ATP6V0D2: variants seen among roughly 807,000 people sequenced by gnomAD.
ATP6V0D2 encodes ATPase H+ transporting V0 subunit d2.
Under a neutral mutation model 40.0 loss-of-function variants are expected in ATP6V0D2, and 40 were observed. The observed-to-expected ratio is 1.00, with a 90% CI of 0.78 to 1.30. ATP6V0D2 has a LOEUF of 1.30. Ranked by LOEUF, ATP6V0D2 falls within the 50% of genes most tolerant of loss-of-function variation. ATP6V0D2 has a pLI of 0.00. For synonymous variants in ATP6V0D2, 179 were observed against 156.3 expected, an observed-to-expected ratio of 1.15 and a Z score of -1.08; for missense variants, 470 against 423.1, an observed-to-expected ratio of 1.11 and a Z score of -0.97.
chr8:86,132,383 A>G (rs759775912), intron 2 of ATP6V0D2, among the ~76,000 whole-genome samples: 1 of 152,094 alleles, frequency 6.6e-6, no homozygotes, highest in Non-Finnish European at 1.5e-5. Context: ...GTTGTTAACT[A>G]TAGTCACTCT....
intron 2 of ATP6V0D2, among the ~76,000 whole-genome samples, chr8:86,129,520 GA>G (rs1166949282): frequency 6.6e-6 from 1 of 151,282 alleles, no homozygotes; most frequent in Non-Finnish European, 1.5e-5. Flanking sequence ...TATAAAAAAG[GA>G]AAAAAATTGG....
intron 2 of ATP6V0D2, among the ~76,000 whole-genome samples, chr8:86,135,551 T>C (rs1818885266): frequency 6.6e-6 from 1 of 152,216 alleles, no homozygotes; most frequent in Non-Finnish European, 1.5e-5. Context: ...TCTTACAGCA[T>C]TGAGTTGTTG....
intron 1 of ATP6V0D2, among the ~76,000 whole-genome samples, chr8:86,113,132 G>GT (rs577075560): frequency 2.6e-3 from 371 of 143,362 alleles, no homozygotes; most frequent in Middle Eastern, 7.2e-3. Context: ...TGTTTGTTAG[G>GT]TTTTTTTTTT....
intron 1 of ATP6V0D2, among the ~76,000 whole-genome samples, chr8:86,099,603 C>T (rs921303121): frequency 6.6e-6 from 1 of 152,174 alleles, no homozygotes; most frequent in African/African-American, 2.4e-5. Context: ...AAGCAATTCT[C>T]CTGCCTCAGC....
chr8:86,142,924 C>A lies in ATP6V0D2; in HGVS notation c.609C>A (p.Val203=). Residue 203 remains valine (V), a synonymous_variant, in exon 5 of 8, where the codon GTC becomes GTA. Transcript: ENST00000285393. ...FYKFCKNHGD[V]TAEVMCPILE... is the part of the protein sequence containing the mutation. Reference sequence around the variant, plus strand: ...AATTCTGTAAGAATCATGGTGATGTCACAGCAGAAGTTATGTGTCCCATTC... The same window carrying A: ...AATTCTGTAAGAATCATGGTGATGTAACAGCAGAAGTTATGTGTCCCATTC... The A allele has an allele frequency of 6.2e-7, 1 of 1,610,632 alleles. No individual in the cohort carries two copies. Among genetic ancestry groups the A allele is most frequent in the Non-Finnish European group, 8.5e-7 (1 of 1,178,028 alleles).
At chr8:86,104,978 C>A (rs570871510) in intron 1 of ATP6V0D2, among the ~76,000 whole-genome samples, 57 of 152,056 alleles carry the variant, frequency 3.7e-4, no homozygotes, top group Admixed American at 3.6e-3. Context: ...TTTTCTAGAG[C>A]TGCACCTTCA....
intron 2 of ATP6V0D2, 54 bp from the exon 3 acceptor site, chr8:86,139,403 G>A (rs1818942767): frequency 1.4e-6 from 2 of 1,467,102 alleles, no homozygotes; most frequent in African/African-American, 1.4e-5. Context: ...CTTGTGGGAT[G>A]CTTCTTATCC....
chr8:86,136,212 C>T (rs563654403), intron 2 of ATP6V0D2, among the ~76,000 whole-genome samples: 1 of 152,274 alleles, frequency 6.6e-6, no homozygotes, highest in African/African-American at 2.4e-5. Flanking sequence ...CAATATGGAG[C>T]TTAGCCTGTC....
chr8:86,133,481 C>A (rs1203450000), intron 2 of ATP6V0D2, among the ~76,000 whole-genome samples: 2 of 151,764 alleles, frequency 1.3e-5, no homozygotes, highest in African/African-American at 4.8e-5. Flanking sequence ...CACCACCACA[C>A]CCTGCTAATT....
intron 3 of ATP6V0D2, among the ~76,000 whole-genome samples, chr8:86,139,845 C>G (rs996071826): frequency 1.3e-5 from 2 of 152,152 alleles, no homozygotes; most frequent in African/African-American, 4.8e-5. Context: ...TTTTTCAGAT[C>G]AGGACAAATG....
rs115522741 is a variant in ATP6V0D2 at position 86,148,476 on chromosome 8, C to T, written c.640-1636C>T. ...AAGTTGGGTTTTGTTATAGGTTAACCAGTCAAAAGCTGATTAGAGGATAGC... is the reference window on the plus strand; with the variant it reads ...AAGTTGGGTTTTGTTATAGGTTAACTAGTCAAAAGCTGATTAGAGGATAGC... On this transcript the variant is annotated intron_variant, in intron 5 of 7. Coordinates refer to ENST00000285393, the MANE Select transcript of ATP6V0D2 (RefSeq NM_152565.1). Among the ~76,000 whole-genome samples, 706 of 152,228 alleles carry T rather than the reference C, an allele frequency of 4.6e-3. 3 individuals are homozygous for T. Among genetic ancestry groups the T allele is most frequent in the African/African-American group, 0.016 (678 of 41,552 alleles).
chr8:86,125,160 A>G (rs189694285), intron 2 of ATP6V0D2, among the ~76,000 whole-genome samples: 1 of 152,282 alleles, frequency 6.6e-6, no homozygotes, highest in Admixed American at 6.5e-5. Context: ...GAGGATGTTA[A>G]GGTAATGGAT....
intron 2 of ATP6V0D2, among the ~76,000 whole-genome samples, chr8:86,118,080 TC>T (rs1818617760): frequency 2.2e-4 from 23 of 102,938 alleles, no homozygotes; most frequent in Non-Finnish European, 2.6e-4. Flanking sequence ...CTTCTTTCTT[TC>T]TTTCTTTTTT....
chr8:86,124,456 T>C (rs1818713139), intron 2 of ATP6V0D2, among the ~76,000 whole-genome samples: 1 of 152,190 alleles, frequency 6.6e-6, no homozygotes, highest in East Asian at 1.9e-4. Flanking sequence ...AGATCATGCT[T>C]TTAAAAATCA....
At chr8:86,104,215 AT>A (rs906847734) in intron 1 of ATP6V0D2, among the ~76,000 whole-genome samples, 1 of 152,076 alleles carries the variant, frequency 6.6e-6, no homozygotes, top group African/African-American at 2.4e-5. Context: ...TTTAAAATTT[AT>A]TTTTTTAATA....
chr8:86,133,808 C>A (rs1166104963), intron 2 of ATP6V0D2, among the ~76,000 whole-genome samples: 1 of 152,018 alleles, frequency 6.6e-6, no homozygotes, highest in Non-Finnish European at 1.5e-5. Flanking sequence ...CAGTAATGAG[C>A]CCTCTTTTTA....
intron 5 of ATP6V0D2, among the ~76,000 whole-genome samples, chr8:86,149,065 A>AC (rs1460046900): frequency 6.7e-6 from 1 of 149,838 alleles, no homozygotes; most frequent in African/African-American, 2.4e-5. Context: ...GAAAAAAAAA[A>AC]AAAAAAAAAA....
intron 5 of ATP6V0D2, among the ~76,000 whole-genome samples, chr8:86,146,443 C>T (rs1383876385): frequency 6.6e-6 from 1 of 152,072 alleles, no homozygotes. Flanking sequence ...TGCCTGTAAT[C>T]CCAGCACTTT....
At chr8:86,126,236 C>CTATATATATATATATATATCTATATA (rs1818740757) in intron 2 of ATP6V0D2, among the ~76,000 whole-genome samples, 1 of 77,120 alleles carries the variant, frequency 1.3e-5, no homozygotes, top group Non-Finnish European at 2.9e-5. Flanking sequence ...CGTGCTCAGC[C>CTATATATATATATATATATCTATATA]TATATATATA....
Sources: gnomAD v4.1 joint callset for allele counts (sites outside exome capture counted in the v4.1 genomes callset) on GRCh38, gnomAD v4.1.1 for gene constraint, MANE v1.5 for transcripts, NCBI Gene and HGNC (gene_info 2026-07-23, HGNC 2026-07-21) for gene names.